Variants in SNW1 observed in about 807,000 individuals in gnomAD.
SNW1 encodes the protein SNW domain-containing protein 1.
SNW1 carries 9 observed loss-of-function variants against 75.6 expected under a neutral mutation model. The observed-to-expected ratio is 0.12, with a 90% CI of 0.07 to 0.21. The LOEUF is 0.21. SNW1 is among the 10% of genes least tolerant of loss of function. SNW1 has a pLI of 1.00. For synonymous variants in SNW1, 200 were observed against 219.1 expected, an observed-to-expected ratio of 0.91 and a Z score of 0.77; for missense variants, 409 against 670.9, an observed-to-expected ratio of 0.61 and a Z score of 4.31.
At chr14:77,757,820 C>T (rs2080852987) in intron 1 of SNW1, among the ~76,000 whole-genome samples, 1 of 152,226 alleles carries the variant, frequency 6.6e-6, no homozygotes, top group Admixed American at 6.5e-5. Flanking sequence ...CCCCAGCACT[C>T]ACCATCTTTA....
intron 9 of SNW1, among the ~76,000 whole-genome samples, chr14:77,731,893 A>T: frequency 6.6e-6 from 1 of 152,160 alleles, no homozygotes; most frequent in East Asian, 1.9e-4. Flanking sequence ...TGCATGCCAC[A>T]TCCAGCTAAT....
chr14:77,718,052 T>C lies in SNW1; in HGVS notation c.*36A>G. ...CATATGACTTGCATCATTAGGGTTA[T>C]GGGTAAGAGTTCATTCACTTTGGAG... On this transcript the variant is annotated 3_prime_UTR_variant, in exon 14 of 14. Coordinates refer to ENST00000261531, the MANE Select transcript of SNW1 (RefSeq NM_012245.3). 4.0e-6 allele frequency: 6 copies of C among 1,511,434 alleles called. No homozygotes were observed. Among genetic ancestry groups the C allele is most frequent in the Non-Finnish European group, 5.3e-6 (6 of 1,127,698 alleles). The allele number at this position is 1,511,434 out of a possible 1,614,324, so 93.6% of individuals were successfully genotyped here. A position where few individuals can be genotyped will look rare whatever the true frequency, so the allele number is the denominator to read the frequency against.
chr14:77,749,191 T>G (rs2080788265), intron 3 of SNW1, among the ~76,000 whole-genome samples: 1 of 152,122 alleles, frequency 6.6e-6, no homozygotes, highest in East Asian at 1.9e-4. Flanking sequence ...TTACATTAGT[T>G]AAAGAGAATG....
intron 12 of SNW1, 65 bp from the exon 13 acceptor site, chr14:77,718,595 CAT>C (rs2080510091): frequency 9.0e-7 from 1 of 1,112,266 alleles, no homozygotes; most frequent in Non-Finnish European, 1.3e-6. Flanking sequence ...TGAATCATAA[CAT>C]GTTTACAGTA....
chr14:77,757,858 TAAAC>T lies in SNW1; in HGVS notation c.15-2742_15-2739del, dbSNP rs2080853195. On this transcript the variant is annotated intron_variant, in intron 1 of 13. Coordinates refer to ENST00000261531, the MANE Select transcript of SNW1 (RefSeq NM_012245.3). ...TCACTACAGCCTTCTTATCTTTTCT[TAAAC>T]AAGCCATCTCAGGATCTTTACATTG... is the stretch of plus-strand genomic sequence containing the variant. Among the ~76,000 whole-genome samples, 5 of 152,328 alleles carry T rather than the reference TAAAC, an allele frequency of 3.3e-5. No homozygotes were observed. The South Asian group carries it at 1.0e-3, about 32-fold the overall frequency.
chr14:77,738,756 G>A (rs747883976), intron 5 of SNW1, 22 bp downstream of exon 5: 1 of 1,569,400 alleles, frequency 6.4e-7, no homozygotes, highest in Non-Finnish European at 8.8e-7. Context: ...ATGAAACTAA[G>A]TCTTCTAGGC....
At chr14:77,725,140 G>GT (rs1566827102) in intron 10 of SNW1, among the ~76,000 whole-genome samples, 1 of 152,166 alleles carries the variant, frequency 6.6e-6, no homozygotes, top group African/African-American at 2.4e-5. Flanking sequence ...CCATAAGTAT[G>GT]TCTTCTTTTG....
At chr14:77,732,384 CTT>C in intron 9 of SNW1, 99 bp downstream of exon 9, 1 of 732,322 alleles carries the variant, frequency 1.4e-6, no homozygotes, top group Non-Finnish European at 2.4e-6. Context: ...GTGAGACTCT[CTT>C]TGGGTGCTCG....
chr14:77,747,687 C>A (rs1212636995), intron 3 of SNW1, among the ~76,000 whole-genome samples: 1 of 151,208 alleles, frequency 6.6e-6, no homozygotes, highest in African/African-American at 2.5e-5. Context: ...CCGGCAGCCG[C>A]CCCGTCCAGG....
chr14:77,732,144 C>T (rs1185388492), intron 9 of SNW1, among the ~76,000 whole-genome samples: 1 of 152,212 alleles, frequency 6.6e-6, no homozygotes, highest in African/African-American at 2.4e-5. Flanking sequence ...CCTTTTCCTG[C>T]AACTGCCCTT....
At chr14:77,753,130 A>G (rs1217850700) in intron 2 of SNW1, among the ~76,000 whole-genome samples, 1 of 152,252 alleles carries the variant, frequency 6.6e-6, no homozygotes, top group African/African-American at 2.4e-5. Context: ...CCCCTCAAGC[A>G]GCATCCATAG....
rs936716891 is a variant in SNW1 at position 77,720,658 on chromosome 14, T to C, written c.1248+53A>G. The C allele has an allele frequency of 5.3e-5, 63 of 1,177,688 alleles. No homozygotes were observed. The South Asian group carries it at 7.2e-4, about 13-fold the overall frequency. 73.0% of individuals were successfully genotyped at this position (1,177,688 alleles called of 1,614,324 possible). A position where few individuals can be genotyped will look rare whatever the true frequency, so the allele number is the denominator to read the frequency against. On this transcript the variant is annotated intron_variant, in intron 12 of 13. Coordinates refer to ENST00000261531, the MANE Select transcript of SNW1 (RefSeq NM_012245.3). ...TAAAGTATGTTAATTTTCGTTTCCC[T>C]GAGGATAGGTATTCACATCAACACA...
At position 77,739,025 on chromosome 14, in the gene SNW1, C is replaced by G. The variant is rs1414721616; in HGVS notation, c.367G>C (p.Glu123Gln). ...YSKYTDLVPK[E>Q]VMNADDPDLQ... is the part of the protein sequence containing the mutation. Reference sequence around the variant, plus strand: ...TCTGGATCATCTGCATTCATAACCTCCTTTGGAACCAGGTCAGTGTATTTG... The same window carrying G: ...TCTGGATCATCTGCATTCATAACCTGCTTTGGAACCAGGTCAGTGTATTTG... The change falls in exon 4 of 14, where the codon GAG (glutamate) becomes CAG (glutamine). Residue 123 changes from glutamate to glutamine, a missense_variant. Transcript: ENST00000261531. 6.2e-7 allele frequency: 1 copy of G among 1,614,046 alleles called. No individual in the cohort carries two copies. The highest frequency in any genetic ancestry group is 1.7e-5 in the Admixed American group (1 of 60,008).
In SNW1 at chr14:77,738,724, C is replaced by G. The variant is rs1426840671; in HGVS notation, c.533+54G>C. On this transcript the variant is annotated intron_variant, in intron 5 of 13. Coordinates refer to ENST00000261531, the MANE Select transcript of SNW1 (RefSeq NM_012245.3). ...GGTTAGTGAAAGAATACCATGACCCCCCAAGCTGAATCAAGTTCAGAATGA... is the reference window on the plus strand; with the variant it reads ...GGTTAGTGAAAGAATACCATGACCCGCCAAGCTGAATCAAGTTCAGAATGA... The G allele has an allele frequency of 2.2e-6, 3 of 1,343,124 alleles. No individual in the cohort carries two copies. In the South Asian group the frequency reaches 3.6e-5, roughly 16 times the overall value. The allele number at this position is 1,343,124 out of a possible 1,614,324, so 83.2% of individuals were successfully genotyped here. A position where few individuals can be genotyped will look rare whatever the true frequency, so the allele number is the denominator to read the frequency against.
chr14:77,721,067 C>A, intron 11 of SNW1: 1 of 469,886 alleles, frequency 2.1e-6, no homozygotes, highest in Admixed American at 3.9e-5. Flanking sequence ...CTAACAGATT[C>A]GTTGACATGG....
At chr14:77,723,677 G>A (rs1409844467) in intron 10 of SNW1, among the ~76,000 whole-genome samples, 7 of 152,102 alleles carry the variant, frequency 4.6e-5, no homozygotes, top group South Asian at 2.1e-4. Flanking sequence ...GTTTTGAGAC[G>A]GAGTTTCGCT....
intron 11 of SNW1, chr14:77,722,819 C>CT (rs1160524061): frequency 4.9e-6 from 2 of 409,020 alleles, no homozygotes; most frequent in Non-Finnish European, 9.4e-6. Flanking sequence ...AAAGGCCACT[C>CT]TTCATGATTG....
chr14:77,738,359 A>G (rs2080690705), intron 5 of SNW1, among the ~76,000 whole-genome samples: 1 of 152,124 alleles, frequency 6.6e-6, no homozygotes, highest in Non-Finnish European at 1.5e-5. Context: ...CTGTAATCTC[A>G]GCACTTTGGG....
At position 77,738,672 on chromosome 14, in the gene SNW1, C is replaced by T. The variant is rs1259035095; in HGVS notation, c.533+106G>A. 5 of 757,298 alleles carry T rather than the reference C, an allele frequency of 6.6e-6. No homozygotes were observed. In the African/African-American group the frequency reaches 7.0e-5, roughly 11 times the overall value. 46.9% of individuals were successfully genotyped at this position (757,298 alleles called of 1,614,324 possible). ...ACAGGCTTTGAGTCATTATTGAAAA[C>T]AATGCATTTATAATGGTTGCTAAGT... On this transcript the variant is annotated intron_variant, in intron 5 of 13. Transcript: ENST00000261531.
Sources: gnomAD v4.1 joint callset for allele counts (sites outside exome capture counted in the v4.1 genomes callset) on GRCh38, gnomAD v4.1.1 for gene constraint, MANE v1.5 for transcripts, NCBI Gene and HGNC (gene_info 2026-07-23, HGNC 2026-07-21) for gene names.